Variants in HOOK1 observed in about 807,000 individuals in gnomAD.
HOOK1 encodes the protein hook microtubule tethering protein 1.
Under a neutral mutation model 112.8 loss-of-function variants are expected in HOOK1, and 60 were observed. The observed-to-expected ratio is 0.53, with a 90% CI of 0.43 to 0.66. The LOEUF is 0.66. HOOK1 is among the 30% of genes least tolerant of loss of function. HOOK1 has a pLI of 0.00. For synonymous variants in HOOK1, 294 were observed against 283.8 expected, an observed-to-expected ratio of 1.04 and a Z score of -0.36; for missense variants, 770 against 856.0, an observed-to-expected ratio of 0.90 and a Z score of 1.25.
chr1:59,824,646 A>G (rs79764948), intron 2 of HOOK1, among the ~76,000 whole-genome samples: 3,813 of 152,234 alleles, frequency 0.025, 82 homozygotes, highest in Non-Finnish European at 0.038. Flanking sequence ...GTTTTTTTCT[A>G]TTTACTTGAG....
At chr1:59,854,013 TATATATATATATATATATATATA>T (rs2098408733) in intron 12 of HOOK1, among the ~76,000 whole-genome samples, 4 of 19,702 alleles carry the variant, frequency 2.0e-4, no homozygotes, top group Admixed American at 3.9e-4. Flanking sequence ...TATATATATA[TATATATATATATATATATATATA>T]TATTTTTTTT....
chr1:59,835,347 C>T lies in HOOK1; in HGVS notation c.409C>T (p.His137Tyr). 1 of 1,553,788 alleles carries T rather than the reference C, an allele frequency of 6.4e-7. No homozygotes were observed. The highest frequency in any genetic ancestry group is 8.9e-7 in the Non-Finnish European group (1 of 1,127,948). ...GATTTGATTTTTTTAAATCATAGAA[C>T]ATATTCAAAATATAATGACACTGGA... The part of the protein sequence containing the change: ...CAINCEKKQE[H>Y]IQNIMTLEES... Residue 137 changes from histidine (H) to tyrosine (Y), a missense_variant and splice_region_variant, in exon 6 of 22, where the codon CAT becomes TAT. Around this residue, in one of 3 missense-constraint regions of HOOK1, gnomAD observed 655 missense variants for 725.9 expected, o/e 0.90. Transcript: ENST00000371208.
chr1:59,861,131 G>A (rs1323442935), intron 15 of HOOK1, among the ~76,000 whole-genome samples: 2 of 151,914 alleles, frequency 1.3e-5, no homozygotes, highest in African/African-American at 2.4e-5. Flanking sequence ...GGCTGGTCTC[G>A]AACTCCTGAC....
chr1:59,819,862 C>CA (rs2098384292), intron 1 of HOOK1, among the ~76,000 whole-genome samples: 1 of 152,160 alleles, frequency 6.6e-6, no homozygotes, highest in Admixed American at 6.5e-5. Flanking sequence ...CCTGTACATC[C>CA]ACCCAGTTGC....
chr1:59,823,524 C>T (rs2098387467), intron 2 of HOOK1, among the ~76,000 whole-genome samples: 1 of 151,630 alleles, frequency 6.6e-6, no homozygotes, highest in Non-Finnish European at 1.5e-5. Flanking sequence ...GATGCAGCAA[C>T]ATTGTGGTTG....
At chr1:59,844,255 C>A (rs1479111443) in intron 9 of HOOK1, among the ~76,000 whole-genome samples, 2 of 151,954 alleles carry the variant, frequency 1.3e-5, no homozygotes, top group Non-Finnish European at 1.5e-5. Flanking sequence ...TGTATATAGT[C>A]ATATAATTTT....
Position 59,836,893 on chromosome 1 carries a change from G to C in HOOK1, c.495G>C (p.Leu165Phe), listed in dbSNP as rs1287474291. 1 of 1,586,416 alleles carries C rather than the reference G, an allele frequency of 6.3e-7. No homozygotes were observed. The highest frequency in any genetic ancestry group is 2.3e-5 in the East Asian group (1 of 44,428). Residue 165 changes from leucine to phenylalanine, a missense_variant, in exon 7 of 22, where the codon TTG (leucine) becomes TTC (phenylalanine). Physicochemically the swap from Leu to Phe is conservative, Grantham distance 22 (BLOSUM62 0). This residue lies in a region of HOOK1 where 655 missense variants were observed against 725.9 expected (regional missense o/e 0.90). Transcript: ENST00000371208. ...CCTAGTTGATGAGTAAAGAAATATT[G>C]AGCTCTCCTCCAAATGATGCTGTTG... ...AIQELMSKEI[L>F]SSPPNDAVGE...
At chr1:59,858,195 C>T (rs562111645) in intron 12 of HOOK1, among the ~76,000 whole-genome samples, 1 of 152,148 alleles carries the variant, frequency 6.6e-6, no homozygotes, top group African/African-American at 2.4e-5. Flanking sequence ...TCCTCTGTTA[C>T]ATAATTGCAT....
At chr1:59,823,489 A>C (rs550747975) in intron 2 of HOOK1, among the ~76,000 whole-genome samples, 6 of 152,262 alleles carry the variant, frequency 3.9e-5, no homozygotes, top group African/African-American at 1.2e-4. Context: ...TCTTCTCATC[A>C]TGCTATGTTG....
chr1:59,874,687 T>A lies in HOOK1; in HGVS notation c.*1722T>A, dbSNP rs899981926. 2 of 152,304 alleles carry A rather than the reference T, an allele frequency of 1.3e-5. No homozygotes were observed. The highest frequency in any genetic ancestry group is 4.8e-5 in the African/African-American group (2 of 41,484). 9.4% of individuals were successfully genotyped at this position (152,304 alleles called of 1,614,324 possible). A position where few individuals can be genotyped will look rare whatever the true frequency, so the allele number is the denominator to read the frequency against. On this transcript the variant is annotated 3_prime_UTR_variant, in exon 22 of 22. Coordinates refer to ENST00000371208, the MANE Select transcript of HOOK1 (RefSeq NM_015888.6). ...AAACTTTATTTACAAAGACAGGCGG[T>A]AGGCCAGATTTGGCTTGCATGCTGT...
intron 12 of HOOK1, among the ~76,000 whole-genome samples, chr1:59,851,082 T>G (rs572115667): frequency 6.6e-6 from 1 of 151,746 alleles, no homozygotes; most frequent in Admixed American, 6.6e-5. Context: ...TACTGTAGTT[T>G]TGTAGTTAAG....
At chr1:59,872,593 A>C (rs764227890) in intron 21 of HOOK1, among the ~76,000 whole-genome samples, 1 of 152,194 alleles carries the variant, frequency 6.6e-6, no homozygotes, top group African/African-American at 2.4e-5. Flanking sequence ...TAGTGATTAA[A>C]TAGAGAAAAT....
At chr1:59,846,684 C>G (rs564268212) in intron 9 of HOOK1, among the ~76,000 whole-genome samples, 54 of 148,640 alleles carry the variant, frequency 3.6e-4, no homozygotes, top group African/African-American at 1.3e-3. Context: ...ACTGTTGTCC[C>G]CCAAATTTGA....
At chr1:59,853,467 A>T (rs966952155) in intron 12 of HOOK1, among the ~76,000 whole-genome samples, 7 of 151,730 alleles carry the variant, frequency 4.6e-5, no homozygotes, top group African/African-American at 1.7e-4. Flanking sequence ...TTATTTTCAA[A>T]CTATATTTGT....
chr1:59,844,923 T>G (rs1489918816), intron 9 of HOOK1, among the ~76,000 whole-genome samples: 2 of 152,026 alleles, frequency 1.3e-5, no homozygotes. Flanking sequence ...AACTTGTATC[T>G]TAAATATATT....
chr1:59,850,295 G>GT lies in HOOK1; in HGVS notation c.1242+1122dup, dbSNP rs528483547. 1.3e-3 allele frequency among the ~76,000 whole-genome samples: 197 copies of GT among 147,692 alleles called. 1 individual carries two copies. The highest frequency in any genetic ancestry group is 7.0e-3 in the Middle Eastern group (2 of 286). ...TTCCTTGTCAGGTATATGATTTGCA[G>GT]TTTTTTTTTTCTATTCTGTGTGTTA... On this transcript the variant is annotated intron_variant, in intron 12 of 21. Coordinates refer to ENST00000371208, the MANE Select transcript of HOOK1 (RefSeq NM_015888.6).
At chr1:59,871,911 C>T (rs1230356458) in intron 21 of HOOK1, among the ~76,000 whole-genome samples, 5 of 152,092 alleles carry the variant, frequency 3.3e-5, no homozygotes, top group African/African-American at 1.2e-4. Context: ...TAAAATATTG[C>T]TTAAAGGGCC....
intron 19 of HOOK1, among the ~76,000 whole-genome samples, chr1:59,866,313 T>A (rs1643963474): frequency 6.6e-6 from 1 of 152,232 alleles, no homozygotes; most frequent in Non-Finnish European, 1.5e-5. Context: ...TTTCTAAGAA[T>A]ACAATTTTTC....
Position 59,855,945 on chromosome 1 carries a change from TATATATATATATATAAATTATTA to T in HOOK1, c.1243-2482_1243-2460del, listed in dbSNP as rs2098410268. On this transcript the variant is annotated intron_variant, in intron 12 of 21. Coordinates refer to ENST00000371208, the MANE Select transcript of HOOK1 (RefSeq NM_015888.6). The stretch of plus-strand genomic sequence containing the variant: ...CACTCCACCATACCCAGCTAATTTA[TATATATATATATATAAATTATTA>T]TATATATATATATATATTTTTTTTT... Among the ~76,000 whole-genome samples the T allele has an allele frequency of 2.3e-4, 7 of 29,986 alleles. No homozygotes were observed. In the Admixed American group the frequency reaches 2.7e-3, roughly 11 times the overall value. The allele number at this position is 29,986 out of a possible 152,430, so 19.7% of individuals were successfully genotyped here.
Sources: allele counts gnomAD v4.1 joint callset (sites outside exome capture counted in the v4.1 genomes callset), GRCh38; gene constraint gnomAD v4.1.1; regional missense constraint gnomAD v4.1.1; transcripts MANE v1.5; gene names NCBI Gene and HGNC (gene_info 2026-07-23, HGNC 2026-07-21).